Variants in GGT6 observed in about 807,000 individuals in gnomAD.
The protein encoded by GGT6 is gamma-glutamyltransferase 6, also known as glutathione hydrolase 6.
Under a neutral mutation model 17.0 loss-of-function variants are expected in GGT6, and 13 were observed. The observed-to-expected ratio is 0.77, with a 90% CI of 0.50 to 1.22. GGT6 has a LOEUF of 1.22. Ranked by LOEUF, GGT6 falls within the 50% of genes most tolerant of loss-of-function variation. The probability of loss-of-function intolerance (pLI) is 0.00; values close to 1 mark genes in which losing one functional copy is unlikely to be tolerated. For synonymous variants in GGT6, 305 were observed against 297.9 expected (o/e 1.02, Z -0.25); for missense variants, 628 against 643.7 (o/e 0.98, Z 0.26).
chr17:4,560,539 C>T lies in GGT6; in HGVS notation c.-18G>A, dbSNP rs779177881. 5 of 1,606,726 alleles carry T rather than the reference C, an allele frequency of 3.1e-6. No individual in the cohort carries two copies. The South Asian group carries it at 5.5e-5, about 18-fold the overall frequency. On this transcript the variant is annotated 5_prime_UTR_variant, in exon 1 of 4. Coordinates refer to ENST00000381550, the MANE Select transcript of GGT6 (RefSeq NM_001288702.2). ...CGCTCCATGGCCCCCCAGTGCTCGC[C>T]CCAGCCCTCCTGCCTGCCAGCCTTT...
Position 4,558,301 on chromosome 17 carries a change from G to A in GGT6, c.1214C>T (p.Ala405Val), listed in dbSNP as rs1166522699. 1.6e-5 allele frequency: 26 copies of A among 1,613,268 alleles called. No individual in the cohort carries two copies. Among genetic ancestry groups the A allele is most frequent in the Non-Finnish European group, 2.2e-5 (26 of 1,180,048 alleles). ...LVAKSTTSAW[A>V]CPLILRGSLD... is the part of the protein sequence containing the mutation. ...GCTGCCACGGAGGATGAGGGGGCAG[G>A]CCCAGGCACTAGTGGTAGACTTGGC... The change falls in exon 4 of 4, where the codon GCC becomes GTC. Residue 405 changes from alanine (A) to valine (V), a missense_variant. Physicochemically the swap from Ala to Val is moderately conservative, Grantham distance 64 (BLOSUM62 0). Transcript: ENST00000381550.
Position 4,560,532 on chromosome 17 carries a change from TG to T in GGT6, c.-12del. 1 of 1,608,232 alleles carries T rather than the reference TG, an allele frequency of 6.2e-7. No homozygotes were observed. The highest frequency in any genetic ancestry group is 8.5e-7 in the Non-Finnish European group (1 of 1,179,956). On this transcript the variant is annotated 5_prime_UTR_variant, in exon 1 of 4. Transcript: ENST00000381550. ...TTCTGCCCGCTCCATGGCCCCCCAG[TG>T]CTCGCCCCAGCCCTCCTGCCTGCCA... is the stretch of plus-strand genomic sequence containing the variant.
In GGT6 at chr17:4,559,615, C is replaced by T. The variant is rs367928800; in HGVS notation, c.286G>A (p.Gly96Ser). ...GSLGSVAPPP[G>S]GHSHGPGVYH... ...ACGCCAGGGCCGTGGGAGTGTCCGC[C>T]GGGTGGAGGGGCCACAGAGCCCAAG... Residue 96 changes from glycine to serine, a missense_variant, in exon 2 of 4, where the codon GGC becomes AGC. By Grantham distance (56) the Gly-to-Ser change is moderately conservative. Coordinates refer to ENST00000381550, the MANE Select transcript of GGT6 (RefSeq NM_001288702.2). 211 of 1,613,702 alleles carry T rather than the reference C, an allele frequency of 1.3e-4. No individual in the cohort carries two copies. Among genetic ancestry groups the T allele is most frequent in the Middle Eastern group, 6.6e-4 (4 of 6,084 alleles).
At position 4,559,768 on chromosome 17, in the gene GGT6, G is replaced by C. The variant is rs751001528; in HGVS notation, c.141-8C>G. 5 of 1,606,992 alleles carry C rather than the reference G, an allele frequency of 3.1e-6. No individual in the cohort carries two copies. In the African/African-American group the frequency reaches 4.0e-5, roughly 13 times the overall value. On this transcript the variant is annotated splice_region_variant and splice_polypyrimidine_tract_variant and intron_variant, in intron 1 of 3. Coordinates refer to ENST00000381550, the MANE Select transcript of GGT6 (RefSeq NM_001288702.2). ...AGCCCGCCAGCCTTGTTCCTGCAGA[G>C]GGGGGGTGTCCTGAGCCACGGCTGG...
chr17:4,559,178 C>G (rs1047539850), intron 3 of GGT6, 121 bp from the exon 4 acceptor site: 21 of 1,350,528 alleles, frequency 1.6e-5, no homozygotes, highest in Non-Finnish European at 2.1e-5. Context: ...GGTCAAAGTT[C>G]CACAGACCCG....
chr17:4,559,419 G>A lies in GGT6; in HGVS notation c.381C>T (p.Ala127=), dbSNP rs777016803. The stretch of plus-strand genomic sequence containing the variant: ...CTCCAGCATCCACGACGTTGCCCCC[G>A]GCAACAAGCAGCTCTCGGCCTAGGT... ...CSHLGRELLV[A]GGNVVDAGVG... is the part of the protein sequence containing the mutation. Residue 127 remains alanine (A), a synonymous_variant, in exon 3 of 4, where the codon GCC becomes GCT. Coordinates refer to ENST00000381550, the MANE Select transcript of GGT6 (RefSeq NM_001288702.2). 30 of 1,551,802 alleles carry A rather than the reference G, an allele frequency of 1.9e-5. No homozygotes were observed. The highest frequency in any genetic ancestry group is 2.4e-5 in the East Asian group (1 of 40,942).
rs3054325 is a variant in GGT6 at position 4,557,620 on chromosome 17, TTTA to T, written c.*392_*394del. 6.6e-5 allele frequency: 10 copies of T among 151,836 alleles called. No homozygotes were observed. Among genetic ancestry groups the T allele is most frequent in the East Asian group, 2.0e-4 (1 of 5,094 alleles). 9.4% of individuals were successfully genotyped at this position (151,836 alleles called of 1,614,324 possible). A position where few individuals can be genotyped will look rare whatever the true frequency, so the allele number is the denominator to read the frequency against. On this transcript the variant is annotated 3_prime_UTR_variant, in exon 4 of 4. Transcript: ENST00000381550. ...ATGAGCCACCGCACCCAGCTATTTT[TTTA>T]TTATTATTATTATTATTTTAAAGAC... is the stretch of plus-strand genomic sequence containing the variant.
intron 3 of GGT6, 96 bp downstream of exon 3, chr17:4,559,247 T>G (rs1908446188): frequency 8.3e-7 from 1 of 1,200,058 alleles, no homozygotes; most frequent in Non-Finnish European, 1.2e-6. Context: ...CCTGCTCACT[T>G]AGCAGTCTTG....
Position 4,558,280 on chromosome 17 carries a change from C to T in GGT6, c.1235G>A (p.Gly412Asp). 1 of 1,614,016 alleles carries T rather than the reference C, an allele frequency of 6.2e-7. No individual in the cohort carries two copies. The highest frequency in any genetic ancestry group is 8.5e-7 in the Non-Finnish European group (1 of 1,180,032). The change falls in exon 4 of 4, where the codon GGC becomes GAC. Residue 412 changes from glycine (G) to aspartate (D), a missense_variant. Gly to Asp is a moderately conservative substitution (Grantham distance 94). Coordinates refer to ENST00000381550, the MANE Select transcript of GGT6 (RefSeq NM_001288702.2). Reference protein sequence around the residue: ...SAWACPLILRGSLDDTEADVL... With the variant: ...SAWACPLILRDSLDDTEADVL... ...ATCAGCCTCTGTGTCATCCAGGCTGCCACGGAGGATGAGGGGGCAGGCCCA... is the reference window on the plus strand; with the variant it reads ...ATCAGCCTCTGTGTCATCCAGGCTGTCACGGAGGATGAGGGGGCAGGCCCA...
rs947455288 is a variant in GGT6, at chr17:4,557,653, TCTCA to T, written c.*358_*361del. ...TATTATTATTATTTTAAAGACAGGT[TCTCA>T]CTCTGTTGTCCAGGCTGGAGTGCAG... On this transcript the variant is annotated 3_prime_UTR_variant, in exon 4 of 4. Transcript: ENST00000381550. The T allele has an allele frequency of 1.2e-3, 210 of 168,832 alleles. 3 individuals are homozygous for T. The Admixed American group carries it at 0.013, about 10-fold the overall frequency. 10.5% of individuals were successfully genotyped at this position (168,832 alleles called of 1,614,324 possible). A position where few individuals can be genotyped will look rare whatever the true frequency, so the allele number is the denominator to read the frequency against.
chr17:4,558,928 T>A lies in GGT6; in HGVS notation c.587A>T (p.His196Leu). 6.5e-7 allele frequency: 1 copy of A among 1,549,468 alleles called. No individual in the cohort carries two copies. The highest frequency in any genetic ancestry group is 1.2e-5 in the South Asian group (1 of 83,990). Residue 196 changes from histidine (H) to leucine (L), a missense_variant, in exon 4 of 4, where the codon CAT (histidine) becomes CTT (leucine). By Grantham distance (99) the His-to-Leu change is moderately conservative. Coordinates refer to ENST00000381550, the MANE Select transcript of GGT6 (RefSeq NM_001288702.2). ...CCAGGGCAGGCGGCCGAAGCGTGCA[T>A]GCAGCAGGTGCAGGGTGGGCAGAGC... ...PAALPTLHLL[H>L]ARFGRLPWPR...
At position 4,558,542 on chromosome 17, in the gene GGT6, C is replaced by G. The variant is rs1046918198; in HGVS notation, c.973G>C (p.Glu325Gln). 4 of 1,577,176 alleles carry G rather than the reference C, an allele frequency of 2.5e-6. No homozygotes were observed. The highest frequency in any genetic ancestry group is 3.6e-5 in the Admixed American group (2 of 55,238). ...FTTPSPSAGP[E>Q]LLALLEAALR... ...GCTGCCTCCAACAGTGCCAGCAGTT[C>G]TGGGCCAGCTGAGGGACTGGGGGTG... The change falls in exon 4 of 4, where the codon GAA (glutamate) becomes CAA (glutamine). Residue 325 changes from glutamate (E) to glutamine (Q), a missense_variant. Coordinates refer to ENST00000381550, the MANE Select transcript of GGT6 (RefSeq NM_001288702.2).
chr17:4,559,212 T>A (rs1908444125), intron 3 of GGT6, 131 bp downstream of exon 3: 1 of 1,219,924 alleles, frequency 8.2e-7, no homozygotes, highest in Non-Finnish European at 1.2e-6. Flanking sequence ...TAGCCTGGGG[T>A]TGGACTGCTG....
Position 4,557,620 on chromosome 17 carries a change from T to TA in GGT6, c.*394_*395insT, listed in dbSNP as rs371521399. 1.3e-5 allele frequency: 2 copies of TA among 151,718 alleles called. No individual in the cohort carries two copies. Among genetic ancestry groups the TA allele is most frequent in the African/African-American group, 2.4e-5 (1 of 41,042 alleles). 9.4% of individuals were successfully genotyped at this position (151,718 alleles called of 1,614,324 possible). ...ATGAGCCACCGCACCCAGCTATTTT[T>TA]TTATTATTATTATTATTATTTTAAA... is the stretch of plus-strand genomic sequence containing the variant. On this transcript the variant is annotated 3_prime_UTR_variant, in exon 4 of 4. Coordinates refer to ENST00000381550, the MANE Select transcript of GGT6 (RefSeq NM_001288702.2).
At chr17:4,559,305 T>C in intron 3 of GGT6, 38 bp downstream of exon 3, 1 of 1,464,572 alleles carries the variant, frequency 6.8e-7, no homozygotes, top group South Asian at 1.2e-5. Context: ...GATCAGGCTG[T>C]GGGTTGGGGT....
rs778191516 is a variant in GGT6, at chr17:4,558,878, T to TGGTGGGGCCCACTAGCA, written c.620_636dup (p.Thr213CysfsTer2). On this transcript the variant is annotated stop_gained and frameshift_variant, in exon 4 of 4. Transcript: ENST00000381550. LOFTEE classifies it low-confidence loss of function (END_TRUNC). ...ACCAGGAAGCCCTCCTGAGCCAGCG[T>TGGTGGGGCCCACTAGCA]GGTGGGGCCCACTAGCAGGCGTGGC... 1.9e-6 allele frequency: 3 copies of TGGTGGGGCCCACTAGCA among 1,547,288 alleles called. No individual in the cohort carries two copies. The highest frequency in any genetic ancestry group is 1.2e-5 in the South Asian group (1 of 83,700).
In GGT6 at chr17:4,558,685, C is replaced by T. The variant is rs1908367313; in HGVS notation, c.830G>A (p.Gly277Glu). ...AALAPTSDLA[G>E]DALLSLLAGD... Reference sequence around the variant, plus strand: ...CGCCAGTAGACTCAGTAGAGCATCCCCAGCAAGGTCTGAGGTGGGAGCGAG... The same window carrying T: ...CGCCAGTAGACTCAGTAGAGCATCCTCAGCAAGGTCTGAGGTGGGAGCGAG... Residue 277 changes from glycine (G) to glutamate (E), a missense_variant, in exon 4 of 4, where the codon GGG (glycine) becomes GAG (glutamate). Gly to Glu is a moderately conservative substitution (Grantham distance 98). Coordinates refer to ENST00000381550, the MANE Select transcript of GGT6 (RefSeq NM_001288702.2). 1 of 1,605,696 alleles carries T rather than the reference C, an allele frequency of 6.2e-7. No homozygotes were observed. The highest frequency in any genetic ancestry group is 8.5e-7 in the Non-Finnish European group (1 of 1,176,366).
chr17:4,557,981 A>C lies in GGT6; in HGVS notation c.*34T>G, dbSNP rs2144532263. ...CTGCTCCTGCCCCCATGCTTCAGATAACTCTGCCTTCTGCCAGACCCACCC... is the reference window on the plus strand; with the variant it reads ...CTGCTCCTGCCCCCATGCTTCAGATCACTCTGCCTTCTGCCAGACCCACCC... On this transcript the variant is annotated 3_prime_UTR_variant, in exon 4 of 4. Transcript: ENST00000381550. 1.4e-6 allele frequency: 2 copies of C among 1,380,130 alleles called. No homozygotes were observed. The highest frequency in any genetic ancestry group is 4.7e-5 in the East Asian group (2 of 42,962). 85.5% of individuals were successfully genotyped at this position (1,380,130 alleles called of 1,614,324 possible). A position where few individuals can be genotyped will look rare whatever the true frequency, so the allele number is the denominator to read the frequency against.
rs542896474 is a variant in GGT6, at chr17:4,559,142, G to A, written c.458-85C>T. The A allele has an allele frequency of 3.2e-4, 478 of 1,492,394 alleles. No individual in the cohort carries two copies. In the African/African-American group the frequency reaches 6.0e-3, roughly 19 times the overall value. 92.4% of individuals were successfully genotyped at this position (1,492,394 alleles called of 1,614,324 possible). ...GTCAAGATCCCTTGACTGAGCCTGG[G>A]ATCAGGAGTTACTGACCAGGCCTGA... is the stretch of plus-strand genomic sequence containing the variant. On this transcript the variant is annotated intron_variant, in intron 3 of 3. Transcript: ENST00000381550.
Sources: allele counts gnomAD v4.1 joint callset, GRCh38; gene constraint gnomAD v4.1.1; transcripts MANE v1.5; gene names NCBI Gene and HGNC (gene_info 2026-07-23, HGNC 2026-07-21).